The following NTRK1 variants were observed in gnomAD, a reference collection of about 807,000 sequenced individuals.
NTRK1 encodes the protein high affinity nerve growth factor receptor.
In NTRK1, 62 loss-of-function variants were observed where a neutral mutation model predicts 86.8. That is an observed-to-expected ratio of 0.71 (90% CI 0.58 to 0.88). The LOEUF (loss-of-function observed/expected upper bound fraction) is 0.88, where lower values mean the gene tolerates loss of function less well. Among genes scored for constraint, NTRK1 ranks in the 40% least tolerant of loss-of-function variants. The probability of loss-of-function intolerance (pLI) is 0.00; values close to 1 mark genes in which losing one functional copy is unlikely to be tolerated. For synonymous variants in NTRK1, 469 were observed against 456.6 expected (o/e 1.03, Z -0.35); for missense variants, 967 against 1,078.4 (o/e 0.90, Z 1.45).
Position 156,867,805 on chromosome 1 carries a change from G to T in NTRK1, c.429-299G>T, listed in dbSNP as rs552917018. ...TCTCCTGCCTCAGCCTCCTGAGTAGGTGGGACTACAGGTGCCCGCCACCAT... is the reference window on the plus strand; with the variant it reads ...TCTCCTGCCTCAGCCTCCTGAGTAGTTGGGACTACAGGTGCCCGCCACCAT... On this transcript the variant is annotated intron_variant, in intron 4 of 16. Transcript: ENST00000524377. 2.6e-5 allele frequency among the ~76,000 whole-genome samples: 4 copies of T among 152,022 alleles called. No homozygotes were observed. The South Asian group carries it at 8.3e-4, about 32-fold the overall frequency.
chr1:156,824,560 G>C (rs886279388), intron 1 of NTRK1, among the ~76,000 whole-genome samples: 1 of 152,148 alleles, frequency 6.6e-6, no homozygotes, highest in Non-Finnish European at 1.5e-5. Context: ...CCAACCTTAT[G>C]ACCCATCATT....
In NTRK1 at chr1:156,846,744, C is replaced by T. The variant is rs766598264; in HGVS notation, c.50+4551C>T. On this transcript the variant is annotated intron_variant, in intron 2 of 16. Coordinates refer to the NTRK1 transcript ENST00000392302. ...GCATCTGGACCCACGTGCTCTGTGG[C>T]GTTCTGGAATGGGCTGAACACCCAT... 9 of 1,613,744 alleles carry T rather than the reference C, an allele frequency of 5.6e-6. No individual in the cohort carries two copies. In the South Asian group the frequency reaches 6.6e-5, roughly 12 times the overall value.
chr1:156,859,135 G>T (rs892169361), upstream of NTRK1: 3 of 154,762 alleles, frequency 1.9e-5, no homozygotes, highest in African/African-American at 7.2e-5. The surrounding 1 kb of genome is among the most constrained non-coding windows in gnomAD (Gnocchi z 6.2). Context: ...GCACGCAGGG[G>T]CCGCGCCCAG....
intron 1 of NTRK1, among the ~76,000 whole-genome samples, chr1:156,821,073 G>T (rs1015387560): frequency 2.6e-5 from 4 of 152,042 alleles, no homozygotes. Flanking sequence ...TAAGTTTTTT[G>T]TTTGTTTGTT....
intron 2 of NTRK1, among the ~76,000 whole-genome samples, chr1:156,852,551 C>G (rs369869789): frequency 6.6e-6 from 1 of 152,250 alleles, no homozygotes; most frequent in Non-Finnish European, 1.5e-5. Flanking sequence ...GCGGGCCAGC[C>G]TCTCCTGAGC....
intron 1 of NTRK1, among the ~76,000 whole-genome samples, chr1:156,819,644 TGAGTAGCTGG>T (rs1257038492): frequency 6.6e-6 from 1 of 151,982 alleles, no homozygotes; most frequent in Non-Finnish European, 1.5e-5. Context: ...CTCAGCTTCC[TGAGTAGCTGG>T]GATTACAGGC....
rs1647560664 is a variant in NTRK1, at chr1:156,871,647, G to A, written c.742G>A (p.Gly248Arg). 1 of 1,613,864 alleles carries A rather than the reference G, an allele frequency of 6.2e-7. No individual in the cohort carries two copies. The highest frequency in any genetic ancestry group is 1.3e-5 in the African/African-American group (1 of 74,852). Reference protein sequence around the residue: ...VMKSGGLPSLGLTLANVTSDL... With the variant: ...VMKSGGLPSLRLTLANVTSDL... ...GAAATCTGGGGGTCTGCCATCCCTG[G>A]GGCTGACCCTGGCCAATGTCACCAG... Residue 248 changes from glycine to arginine, a missense_variant, in exon 7 of 17, where the codon GGG (glycine) becomes AGG (arginine). Transcript: ENST00000524377.
chr1:156,880,441 T>G, intron 16 of NTRK1: 1 of 508,716 alleles, frequency 2.0e-6, no homozygotes, highest in East Asian at 3.5e-5. Context: ...CCTAGCTGCA[T>G]TTTATAGACC....
At position 156,879,860 on chromosome 1, in the gene NTRK1, G is replaced by A. The variant is rs539844661; in HGVS notation, c.2047-139G>A. The A allele has an allele frequency of 6.4e-5, 66 of 1,024,568 alleles. 1 individual carries two copies. Among genetic ancestry groups the A allele is most frequent in the Middle Eastern group, 6.2e-4 (2 of 3,228 alleles). The allele number at this position is 1,024,568 out of a possible 1,614,324, so 63.5% of individuals were successfully genotyped here. ...TCCTGACCTCGTGATTGCCCACCTC[G>A]GCCTCCCAAAGTGCTGGGATTACAG... On this transcript the variant is annotated intron_variant, in intron 15 of 16. Coordinates refer to ENST00000524377, the MANE Select transcript of NTRK1 (RefSeq NM_002529.4).
chr1:156,838,215 T>C (rs1024041581), intron 1 of NTRK1, among the ~76,000 whole-genome samples: 3 of 152,002 alleles, frequency 2.0e-5, no homozygotes, highest in Non-Finnish European at 4.4e-5. Flanking sequence ...ATGCATCAGT[T>C]GTTCCTGAGC....
chr1:156,846,007 CA>C (rs760852707), intron 2 of NTRK1: 1 of 1,614,164 alleles, frequency 6.2e-7, no homozygotes, highest in South Asian at 1.1e-5. Flanking sequence ...GCCGCTGCCA[CA>C]GCACCAGGTA....
At chr1:156,869,458 G>A (rs1444980835) in intron 6 of NTRK1, among the ~76,000 whole-genome samples, 1 of 152,228 alleles carries the variant, frequency 6.6e-6, no homozygotes, top group Middle Eastern at 3.4e-3. Flanking sequence ...TGAGTTCTCG[G>A]GGGTATCGTG....
chr1:156,816,225 G>T, intron 1 of NTRK1: 1 of 1,409,342 alleles, frequency 7.1e-7, no homozygotes, highest in Non-Finnish European at 9.4e-7. Flanking sequence ...AAACGCAGAA[G>T]GGCAGCAGGG....
chr1:156,871,698 T>C lies in NTRK1; in HGVS notation c.793T>C (p.Cys265Arg). 1 of 1,614,174 alleles carries C rather than the reference T, an allele frequency of 6.2e-7. No homozygotes were observed. The highest frequency in any genetic ancestry group is 8.5e-7 in the Non-Finnish European group (1 of 1,180,036). The change falls in exon 7 of 17, where the codon TGC becomes CGC. Residue 265 changes from cysteine to arginine, a missense_variant. Coordinates refer to ENST00000524377, the MANE Select transcript of NTRK1 (RefSeq NM_002529.4). ...TSDLNRKNVT[C>R]WAENDVGRAE... ...TGACCTCAACAGGAAGAACGTGACG[T>C]GCTGGGCAGAGAACGATGTGGGCCG...
At chr1:156,845,911 C>A in intron 2 of NTRK1, 1 of 1,601,250 alleles carries the variant, frequency 6.2e-7, no homozygotes. Flanking sequence ...CTCCCCTTCC[C>A]CACCCGCCCC....
chr1:156,857,157 C>CTGTGTG (rs1327364524), upstream of NTRK1, among the ~76,000 whole-genome samples: 27 of 121,388 alleles, frequency 2.2e-4, no homozygotes, highest in East Asian at 4.6e-4. Flanking sequence ...TGCCCAGCAG[C>CTGTGTG]TGTGTATGTG....
chr1:156,836,694 G>A (rs1483591329), intron 1 of NTRK1, among the ~76,000 whole-genome samples: 1 of 152,078 alleles, frequency 6.6e-6, no homozygotes, highest in Non-Finnish European at 1.5e-5. Context: ...CTGCTAAGTC[G>A]GGGAGGCCAA....
chr1:156,876,709 CA>C, intron 14 of NTRK1, 137 bp downstream of exon 14: 1 of 1,094,122 alleles, frequency 9.1e-7, no homozygotes, highest in Non-Finnish European at 1.3e-6. Context: ...TTCCCGTCCC[CA>C]GGGAGCTCTG....
intron 2 of NTRK1, among the ~76,000 whole-genome samples, chr1:156,852,443 G>T (rs889918903): frequency 3.3e-5 from 5 of 152,242 alleles, no homozygotes; most frequent in Non-Finnish European, 7.3e-5. Context: ...ACAGAGCAGT[G>T]ACCTTGTCCA....
Sources: allele counts gnomAD v4.1 joint callset (sites outside exome capture counted in the v4.1 genomes callset), GRCh38; gene constraint gnomAD v4.1.1; non-coding constraint Gnocchi (gnomAD v3.1); transcripts MANE v1.5; gene names NCBI Gene and HGNC (gene_info 2026-07-23, HGNC 2026-07-21).